PIBF1: variants seen among roughly 807,000 people sequenced by gnomAD.
PIBF1 encodes the protein progesterone immunomodulatory binding factor 1.
PIBF1 carries 90 observed loss-of-function variants against 112.5 expected under a neutral mutation model. The observed-to-expected ratio is 0.80, with a 90% CI of 0.67 to 0.95. The LOEUF is 0.95. Among genes scored for constraint, PIBF1 ranks in the 40% least tolerant of loss-of-function variants. The pLI is 0.00. For missense variants in PIBF1, 915 were observed against 852.3 expected (o/e 1.07, Z -0.92); for synonymous variants, 301 against 288.6 (o/e 1.04, Z -0.44).
At chr13:72,898,346 C>G (rs2040358213) in intron 11 of PIBF1, among the ~76,000 whole-genome samples, 1 of 151,292 alleles carries the variant, frequency 6.6e-6, no homozygotes, top group African/African-American at 2.4e-5. Context: ...CCCTAAACAC[C>G]TACATCAAAA....
At chr13:72,867,854 T>G (rs2038991204) in intron 10 of PIBF1, among the ~76,000 whole-genome samples, 2 of 152,264 alleles carry the variant, frequency 1.3e-5, no homozygotes, top group Admixed American at 1.3e-4. Flanking sequence ...GTCGCATATC[T>G]ATCATTAAAA....
intron 17 of PIBF1, among the ~76,000 whole-genome samples, chr13:73,014,160 G>A (rs2044315078): frequency 6.6e-6 from 1 of 151,130 alleles, no homozygotes; most frequent in East Asian, 2.0e-4. Context: ...TGTTTGTAGA[G>A]ATGGAGTTTT....
intron 13 of PIBF1, among the ~76,000 whole-genome samples, chr13:72,926,666 A>G (rs775081419): frequency 1.2e-4 from 18 of 152,124 alleles, no homozygotes; most frequent in Non-Finnish European, 2.5e-4. Flanking sequence ...AACCCTCACC[A>G]TGCACCATAT....
chr13:72,987,476 G>A (rs984659482), intron 16 of PIBF1, among the ~76,000 whole-genome samples: 5 of 151,984 alleles, frequency 3.3e-5, no homozygotes, highest in African/African-American at 1.2e-4. Flanking sequence ...ATAACTTGAA[G>A]ATCTCTTCCA....
chr13:72,991,719 A>AT lies in PIBF1; in HGVS notation c.2050-7085dup, dbSNP rs762467681. Among the ~76,000 whole-genome samples the AT allele has an allele frequency of 4.1e-3, 562 of 135,862 alleles. 2 individuals carry two copies. Among genetic ancestry groups the AT allele is most frequent in the East Asian group, 6.7e-3 (31 of 4,626 alleles). The allele number at this position is 135,862 out of a possible 152,430, so 89.1% of individuals were successfully genotyped here. On this transcript the variant is annotated intron_variant, in intron 16 of 17. Transcript: ENST00000326291. ...GCCTGGGCAACACACCCCCATCTCA[A>AT]TTTTTTTTTTTTTTTTTTAGATGGA...
At chr13:73,011,126 C>T (rs2044191264) in intron 17 of PIBF1, among the ~76,000 whole-genome samples, 1 of 152,066 alleles carries the variant, frequency 6.6e-6, no homozygotes, top group Non-Finnish European at 1.5e-5. Context: ...CACACCCAGC[C>T]AACTTTTCTT....
At position 72,792,399 on chromosome 13, in the gene PIBF1, T is replaced by G. The variant is rs2034978117; in HGVS notation, c.253-48T>G. 4 of 1,170,622 alleles carry G rather than the reference T, an allele frequency of 3.4e-6. No homozygotes were observed. In the African/African-American group the frequency reaches 4.7e-5, roughly 14 times the overall value. The allele number at this position is 1,170,622 out of a possible 1,614,324, so 72.5% of individuals were successfully genotyped here. A position where few individuals can be genotyped will look rare whatever the true frequency, so the allele number is the denominator to read the frequency against. On this transcript the variant is annotated intron_variant, in intron 2 of 17. Coordinates refer to ENST00000326291, the MANE Select transcript of PIBF1 (RefSeq NM_006346.4). ...AATATGTTTATTATGAAACTGAAAG[T>G]TTTTCTTTATGACAAATCATATAAT...
intron 9 of PIBF1, among the ~76,000 whole-genome samples, chr13:72,847,440 G>A (rs1052251434): frequency 1.3e-5 from 2 of 152,152 alleles, no homozygotes; most frequent in African/African-American, 4.8e-5. Context: ...ATGGCATAAG[G>A]CAAGAAGGTA....
chr13:72,929,340 A>G (rs1447440134), intron 13 of PIBF1, among the ~76,000 whole-genome samples: 5 of 152,008 alleles, frequency 3.3e-5, no homozygotes, highest in Non-Finnish European at 7.3e-5. Context: ...TTTAGGGTCA[A>G]ATTAGAGAGA....
At chr13:72,889,889 A>G (rs2039995081) in intron 10 of PIBF1, among the ~76,000 whole-genome samples, 1 of 152,194 alleles carries the variant, frequency 6.6e-6, no homozygotes, top group African/African-American at 2.4e-5. Flanking sequence ...ACTGGGTTCA[A>G]AATTTTTAAT....
intron 5 of PIBF1, among the ~76,000 whole-genome samples, chr13:72,805,912 G>A (rs773905450): frequency 3.9e-5 from 6 of 152,180 alleles, no homozygotes; most frequent in Non-Finnish European, 8.8e-5. Flanking sequence ...TTCCCCTTAT[G>A]GGGGAAGGTC....
At chr13:72,835,460 T>G in intron 9 of PIBF1, 92 bp downstream of exon 9, 4 of 934,988 alleles carry the variant, frequency 4.3e-6, no homozygotes, top group Non-Finnish European at 3.0e-6. Context: ...TTATATAATG[T>G]CTTTTTTAAT....
At chr13:72,906,055 TATC>T (rs997710509) in intron 11 of PIBF1, among the ~76,000 whole-genome samples, 6 of 152,140 alleles carry the variant, frequency 3.9e-5, no homozygotes, top group African/African-American at 1.4e-4. Context: ...AATAATGTAG[TATC>T]ATAGTTTGAA....
chr13:72,861,023 G>C (rs1477448604), intron 10 of PIBF1, among the ~76,000 whole-genome samples: 1 of 152,112 alleles, frequency 6.6e-6, no homozygotes, highest in Admixed American at 6.6e-5. Context: ...TGAATACACT[G>C]TTACATTCGT....
intron 8 of PIBF1, among the ~76,000 whole-genome samples, chr13:72,830,433 A>G (rs938957258): frequency 6.6e-6 from 1 of 152,080 alleles, no homozygotes; most frequent in African/African-American, 2.4e-5. Context: ...AGCTCTTATT[A>G]TTTTGAGATA....
intron 17 of PIBF1, among the ~76,000 whole-genome samples, chr13:73,002,122 G>A (rs1005670314): frequency 5.3e-5 from 8 of 152,080 alleles, no homozygotes; most frequent in Admixed American, 3.9e-4. Flanking sequence ...GTGCCTTAAG[G>A]ACAGAAACTG....
chr13:72,944,711 T>G (rs961427623), intron 14 of PIBF1, among the ~76,000 whole-genome samples: 1 of 152,150 alleles, frequency 6.6e-6, no homozygotes, highest in Non-Finnish European at 1.5e-5. Context: ...TGTTTTTTAA[T>G]TTCAACTTTT....
intron 16 of PIBF1, among the ~76,000 whole-genome samples, chr13:72,979,353 T>C (rs1342686428): frequency 6.6e-6 from 1 of 152,218 alleles, no homozygotes; most frequent in Non-Finnish European, 1.5e-5. Context: ...AATTCTGCTT[T>C]TCTTTGTATA....
intron 5 of PIBF1, among the ~76,000 whole-genome samples, chr13:72,813,658 C>T (rs1228989747): frequency 6.6e-6 from 1 of 152,182 alleles, no homozygotes; most frequent in African/African-American, 2.4e-5. Flanking sequence ...AGCTGGCCAC[C>T]TCCAAAGCAA....
Sources: gnomAD v4.1 joint callset for allele counts (sites outside exome capture counted in the v4.1 genomes callset) on GRCh38, gnomAD v4.1.1 for gene constraint, MANE v1.5 for transcripts, NCBI Gene and HGNC (gene_info 2026-07-23, HGNC 2026-07-21) for gene names.